CTNNA1: variants seen among roughly 807,000 people sequenced by gnomAD.
CTNNA1 encodes catenin alpha-1.
In CTNNA1, 37 loss-of-function variants were observed where a neutral mutation model predicts 98.4. The observed-to-expected ratio is 0.38, with a 90% CI of 0.29 to 0.49. The LOEUF is 0.49. Among genes scored for constraint, CTNNA1 ranks in the 20% least tolerant of loss-of-function variants. CTNNA1 has a pLI of 0.95. For missense variants in CTNNA1, 761 were observed against 1,147.2 expected (o/e 0.66, Z 4.86); for synonymous variants, 404 against 413.2 (o/e 0.98, Z 0.27).
intron 7 of CTNNA1, among the ~76,000 whole-genome samples, chr5:138,885,388 ACTT>A (rs1374713015): frequency 6.6e-6 from 1 of 152,148 alleles, no homozygotes; most frequent in Non-Finnish European, 1.5e-5. Context: ...CTTTTAATAT[ACTT>A]TATATATACT....
At chr5:138,875,324 C>T (rs955900653) in intron 7 of CTNNA1, 66 of 917,908 alleles carry the variant, frequency 7.2e-5, no homozygotes, top group South Asian at 5.1e-4. Flanking sequence ...TTCCGAGAAA[C>T]GGCACAAGAA....
At chr5:138,843,035 A>G (rs1002256045) in intron 7 of CTNNA1, among the ~76,000 whole-genome samples, 63 of 152,220 alleles carry the variant, frequency 4.1e-4, no homozygotes, top group Non-Finnish European at 1.5e-4. Flanking sequence ...ATAATTGTAT[A>G]TTTTGGATTT....
chr5:138,920,276 G>A (rs772470748), intron 11 of CTNNA1, among the ~76,000 whole-genome samples: 1 of 152,158 alleles, frequency 6.6e-6, no homozygotes, highest in Non-Finnish European at 1.5e-5. Flanking sequence ...CACCGTGCCC[G>A]GTCTAGGTGT....
intron 3 of CTNNA1, among the ~76,000 whole-genome samples, chr5:138,799,139 G>A (rs1270364755): frequency 6.6e-6 from 1 of 151,872 alleles, no homozygotes; most frequent in Non-Finnish European, 1.5e-5. Flanking sequence ...CCAAAGTGCT[G>A]AGCCATCGTG....
chr5:138,925,181 T>G lies in CTNNA1; in HGVS notation c.1748-75T>G, dbSNP rs1273633787. The G allele has an allele frequency of 2.0e-6, 3 of 1,526,536 alleles. No homozygotes were observed. The East Asian group carries it at 6.8e-5, about 34-fold the overall frequency. 94.6% of individuals were successfully genotyped at this position (1,526,536 alleles called of 1,614,324 possible). A position where few individuals can be genotyped will look rare whatever the true frequency, so the allele number is the denominator to read the frequency against. ...TAAGCCTCACCTCTTTCTGTCTAGC[T>G]GAGTGATTCAGGGAGGGCCAGGGGA... On this transcript the variant is annotated intron_variant, in intron 12 of 17. Coordinates refer to ENST00000302763, the MANE Select transcript of CTNNA1 (RefSeq NM_001903.5).
At chr5:138,848,743 G>T (rs779181309) in intron 7 of CTNNA1, among the ~76,000 whole-genome samples, 6 of 151,306 alleles carry the variant, frequency 4.0e-5, no homozygotes, top group Admixed American at 3.9e-4. Flanking sequence ...ACTTTTTTTT[G>T]AGATAGAGTC....
chr5:138,755,183 T>C (rs1214865099), intron 1 of CTNNA1: 3 of 152,224 alleles, frequency 2.0e-5, no homozygotes, highest in Non-Finnish European at 4.4e-5. Context: ...TTAACAGTAC[T>C]AATGAAACTA....
At chr5:138,850,554 C>T (rs957365942) in intron 7 of CTNNA1, among the ~76,000 whole-genome samples, 1 of 152,170 alleles carries the variant, frequency 6.6e-6, no homozygotes, top group Non-Finnish European at 1.5e-5. Context: ...TTACCATCTT[C>T]TTTCAAATGT....
At chr5:138,932,292 G>A (rs1028516043) in intron 16 of CTNNA1, 20 of 1,185,042 alleles carry the variant, frequency 1.7e-5, no homozygotes, top group South Asian at 1.1e-4. Context: ...TTTCCCCGCC[G>A]TCATAGGAGG....
intron 1 of CTNNA1, among the ~76,000 whole-genome samples, chr5:138,774,283 C>T (rs1166624937): frequency 1.3e-5 from 2 of 152,208 alleles, no homozygotes; most frequent in East Asian, 3.9e-4. Context: ...TCGTGGCCTC[C>T]CAAAGTGCTG....
intron 9 of CTNNA1, among the ~76,000 whole-genome samples, chr5:138,892,188 T>C (rs1755525203): frequency 1.3e-5 from 2 of 152,164 alleles, no homozygotes; most frequent in Non-Finnish European, 2.9e-5. Context: ...TACAGGCGTG[T>C]CCTTAACCTT....
chr5:138,858,991 T>C (rs1192513173), intron 7 of CTNNA1, among the ~76,000 whole-genome samples: 2 of 152,236 alleles, frequency 1.3e-5, no homozygotes, highest in Non-Finnish European at 2.9e-5. Context: ...TCATTGGTTC[T>C]TCAGTTTATT....
intron 7 of CTNNA1, among the ~76,000 whole-genome samples, chr5:138,885,108 A>G (rs1195837293): frequency 1.3e-5 from 2 of 152,178 alleles, no homozygotes; most frequent in Non-Finnish European, 2.9e-5. Flanking sequence ...CCATAGAGAG[A>G]TAGGTGGCAT....
intron 7 of CTNNA1, among the ~76,000 whole-genome samples, chr5:138,851,752 C>T (rs1034242462): frequency 1.4e-5 from 2 of 139,182 alleles, no homozygotes; most frequent in African/African-American, 2.7e-5. Context: ...AGTATGACTT[C>T]GTCTCAAAAT....
intron 7 of CTNNA1, among the ~76,000 whole-genome samples, chr5:138,855,161 C>T (rs753490777): frequency 6.6e-6 from 1 of 152,194 alleles, no homozygotes; most frequent in Non-Finnish European, 1.5e-5. Context: ...GCCTCAGCCT[C>T]CCGAGTAGCT....
chr5:138,854,569 C>T (rs564421745), intron 7 of CTNNA1, among the ~76,000 whole-genome samples: 2 of 152,092 alleles, frequency 1.3e-5, no homozygotes, highest in East Asian at 1.9e-4. Context: ...ACTGCAATAG[C>T]GTAAAATATA....
intron 9 of CTNNA1, among the ~76,000 whole-genome samples, chr5:138,893,669 G>A (rs1756019986): frequency 6.6e-6 from 1 of 150,990 alleles, no homozygotes; most frequent in Admixed American, 6.6e-5. Flanking sequence ...TGTCACCCAG[G>A]CTGGAGTGCA....
At chr5:138,837,315 G>T (rs919115038) in intron 7 of CTNNA1, among the ~76,000 whole-genome samples, 2 of 152,100 alleles carry the variant, frequency 1.3e-5, no homozygotes, top group Admixed American at 1.3e-4. Flanking sequence ...TGGTCTAGGG[G>T]TTGACAAATT....
chr5:138,856,258 TATA>T (rs1468584396), intron 7 of CTNNA1, among the ~76,000 whole-genome samples: 1 of 152,178 alleles, frequency 6.6e-6, no homozygotes, highest in Non-Finnish European at 1.5e-5. Flanking sequence ...AATTAAACCT[TATA>T]ATAAGATACT....
Sources: allele counts gnomAD v4.1 joint callset (sites outside exome capture counted in the v4.1 genomes callset), GRCh38; gene constraint gnomAD v4.1.1; transcripts MANE v1.5; gene names NCBI Gene and HGNC (gene_info 2026-07-23, HGNC 2026-07-21).